The following ACOT12 variants were observed in gnomAD, a reference collection of about 807,000 sequenced individuals.
The protein encoded by ACOT12 is acetyl-coenzyme A thioesterase.
Under a neutral mutation model 67.7 loss-of-function variants are expected in ACOT12, and 51 were observed. The observed-to-expected ratio is 0.75, with a 90% confidence interval of 0.60 to 0.95. ACOT12 has a LOEUF of 0.95. Ranked by LOEUF, ACOT12 falls within the 40% of genes least tolerant of loss-of-function variation. The pLI, the probability that ACOT12 is intolerant of heterozygous loss-of-function variation, is 0.00. For synonymous variants in ACOT12, 251 were observed against 244.6 expected, an observed-to-expected ratio of 1.03 and a Z score of -0.24; for missense variants, 734 against 708.1, an observed-to-expected ratio of 1.04 and a Z score of -0.41.
At chr5:81,309,035 G>A in the ACOT12 span, 4 of 1,609,212 alleles carry the variant, frequency 2.5e-6, no homozygotes, top group Non-Finnish European at 3.4e-6. Flanking sequence ...ACTCTATGCT[G>A]ATGGTAAGTA....
chr5:81,332,946 G>A (rs1178892392), intron 12 of ACOT12, among the ~76,000 whole-genome samples: 1 of 151,784 alleles, frequency 6.6e-6, no homozygotes, highest in African/African-American at 2.4e-5. Context: ...GTGCATGCCT[G>A]TACTCCCAGC....
At chr5:81,369,282 G>A (rs1159013454) in intron 3 of ACOT12, among the ~76,000 whole-genome samples, 1 of 152,164 alleles carries the variant, frequency 6.6e-6, no homozygotes, top group East Asian at 1.9e-4. Context: ...AGTAGAGTCT[G>A]AGAATCCCCT....
intron 1 of ACOT12, among the ~76,000 whole-genome samples, chr5:81,387,221 G>A (rs1396379585): frequency 2.6e-5 from 4 of 151,738 alleles, no homozygotes; most frequent in African/African-American, 7.3e-5. Flanking sequence ...TAGCCAGGAT[G>A]GTCTCGATCT....
the ACOT12 span, among the ~76,000 whole-genome samples, chr5:81,320,302 G>A: frequency 1.3e-5 from 2 of 152,156 alleles, no homozygotes; most frequent in Non-Finnish European, 2.9e-5. Flanking sequence ...ATAAAGTCAA[G>A]GGCCTACTTA....
Position 81,342,755 on chromosome 5 carries a change from C to T in ACOT12, c.1045G>A (p.Ala349Thr), listed in dbSNP as rs1299771831. ...LCIHWDISKQ[A>T]SLSDSNVEAL... is the part of the protein sequence containing the mutation. ...TCCACATTGCTGTCACTCAGGGATG[C>T]CTAGAATAGAAATATTATATTTTTA... Residue 349 changes from alanine to threonine, a missense_variant and splice_region_variant, in exon 11 of 15, where the codon GCA becomes ACA. Coordinates refer to ENST00000307624, the MANE Select transcript of ACOT12 (RefSeq NM_130767.3). 6.2e-7 allele frequency: 1 copy of T among 1,613,652 alleles called. No homozygotes were observed. Among genetic ancestry groups the T allele is most frequent in the South Asian group, 1.1e-5 (1 of 91,050 alleles).
the ACOT12 span, among the ~76,000 whole-genome samples, chr5:81,324,204 G>A: frequency 6.6e-6 from 1 of 152,148 alleles, no homozygotes; most frequent in African/African-American, 2.4e-5. Flanking sequence ...GCCTCCCAAA[G>A]TGCTGAGATT....
chr5:81,330,921 C>T lies in ACOT12; in HGVS notation c.1411G>A (p.Val471Met). ...ACCGATGGCAAAATGACCGACTTCACTGCCACTGTGTAAGTGTTACTGAAA... is the reference window on the plus strand; with the variant it reads ...ACCGATGGCAAAATGACCGACTTCATTGCCACTGTGTAAGTGTTACTGAAA... ...LKDGNTYTVA[V>M]KSVILPSVPP... Residue 471 changes from valine (V) to methionine (M), a missense_variant, in exon 14 of 15, where the codon GTG becomes ATG. By Grantham distance (21) the Val-to-Met change is conservative. Transcript: ENST00000307624. 4 of 1,611,772 alleles carry T rather than the reference C, an allele frequency of 2.5e-6. No individual in the cohort carries two copies. Among genetic ancestry groups the T allele is most frequent in the Non-Finnish European group, 3.4e-6 (4 of 1,179,204 alleles).
At chr5:81,340,135 T>G (rs1425274986) in intron 11 of ACOT12, among the ~76,000 whole-genome samples, 2 of 151,552 alleles carry the variant, frequency 1.3e-5, no homozygotes, top group East Asian at 3.9e-4. Context: ...CCTCCCAGGT[T>G]CAAGTGATTC....
At position 81,344,818 on chromosome 5, in the gene ACOT12, G is replaced by A. The variant is rs543735385; in HGVS notation, c.924+73C>T. 32 of 1,557,854 alleles carry A rather than the reference G, an allele frequency of 2.1e-5. No homozygotes were observed. In the Middle Eastern group the frequency reaches 6.8e-4, roughly 33 times the overall value. ...GGAAAGAGCCAAAGAGGTTGTTGCC[G>A]GTGGGAGGAGATTCTAGGTAGAGCT... On this transcript the variant is annotated intron_variant, in intron 8 of 14. Coordinates refer to ENST00000307624, the MANE Select transcript of ACOT12 (RefSeq NM_130767.3).
rs184774695 is a variant in ACOT12, at chr5:81,370,216, G to A, written c.258+1534C>T. ...TTGAACCCAGGAGGCGGAGGTTGCC[G>A]TGAGCCGAGATCTTGCCATTGCACT... On this transcript the variant is annotated intron_variant, in intron 3 of 14. Coordinates refer to ENST00000307624, the MANE Select transcript of ACOT12 (RefSeq NM_130767.3). Among the ~76,000 whole-genome samples the A allele has an allele frequency of 3.6e-3, 542 of 152,280 alleles. 3 individuals are homozygous for A. Among genetic ancestry groups the A allele is most frequent in the African/African-American group, 0.013 (530 of 41,564 alleles).
At chr5:81,360,175 C>T (rs1322753307) in intron 4 of ACOT12, 137 bp from the exon 5 acceptor site, 9 of 769,322 alleles carry the variant, frequency 1.2e-5, no homozygotes, top group African/African-American at 1.8e-5. Flanking sequence ...TTTCACTAAA[C>T]ATGTTATGAC....
chr5:81,375,656 A>T (rs1242014249), intron 2 of ACOT12, among the ~76,000 whole-genome samples: 2 of 151,924 alleles, frequency 1.3e-5, no homozygotes. Flanking sequence ...TACCAAGCAA[A>T]TGGAAAGAAA....
At chr5:81,386,994 C>CT (rs1052387807) in intron 1 of ACOT12, among the ~76,000 whole-genome samples, 8,191 of 127,920 alleles carry the variant, frequency 0.064, 445 homozygotes, top group South Asian at 0.079. Context: ...GGATGAGTTC[C>CT]ATTTTTTTTT....
At chr5:81,349,074 TG>T (rs1759474492) in intron 5 of ACOT12, among the ~76,000 whole-genome samples, 1 of 152,168 alleles carries the variant, frequency 6.6e-6, no homozygotes, top group African/African-American at 2.4e-5. Flanking sequence ...GACACCATCG[TG>T]GCTGTACTGT....
downstream of ACOT12, among the ~76,000 whole-genome samples, chr5:81,325,148 A>G (rs1758644673): frequency 6.6e-6 from 1 of 152,206 alleles, no homozygotes. Flanking sequence ...CCATTATAAC[A>G]GAAGAAAAAG....
At chr5:81,375,345 C>T (rs370329482) in intron 2 of ACOT12, among the ~76,000 whole-genome samples, 2 of 151,984 alleles carry the variant, frequency 1.3e-5, no homozygotes, top group East Asian at 3.9e-4. Flanking sequence ...AAGGAAGCAC[C>T]AAACATGGAA....
chr5:81,314,411 T>A, the ACOT12 span, among the ~76,000 whole-genome samples: 26 of 152,144 alleles, frequency 1.7e-4, no homozygotes, highest in Non-Finnish European at 4.4e-5. Context: ...CCTACTTTGT[T>A]TATATTTTAA....
intron 4 of ACOT12, 24 bp downstream of exon 4, chr5:81,363,764 T>C: frequency 4.5e-6 from 7 of 1,563,664 alleles, no homozygotes; most frequent in Non-Finnish European, 6.1e-6. Flanking sequence ...ACATGCTAGA[T>C]ACATCTTCAC....
intron 11 of ACOT12, among the ~76,000 whole-genome samples, chr5:81,342,201 G>A (rs548120199): frequency 6.6e-6 from 1 of 152,212 alleles, no homozygotes; most frequent in South Asian, 2.1e-4. Context: ...GTTTTGCCTG[G>A]GCTGGTATCA....
Sources: allele counts gnomAD v4.1 joint callset (sites outside exome capture counted in the v4.1 genomes callset), GRCh38; gene constraint gnomAD v4.1.1; transcripts MANE v1.5; gene names NCBI Gene and HGNC (gene_info 2026-07-23, HGNC 2026-07-21).